Variants in PSMA1 observed in about 807,000 individuals in gnomAD.
PSMA1 encodes the protein proteasome 20S subunit alpha 1, also known as proteasome subunit alpha type-1.
Under a neutral mutation model 38.4 loss-of-function variants are expected in PSMA1, and 3 were observed. That is an observed-to-expected ratio of 0.08 (90% CI 0.04 to 0.20). PSMA1 has a LOEUF of 0.20. Ranked by LOEUF, PSMA1 falls within the 10% of genes least tolerant of loss-of-function variation. PSMA1 has a pLI of 1.00. For missense variants in PSMA1, 227 were observed against 325.3 expected (o/e 0.70, Z 2.32); for synonymous variants, 101 against 107.1 (o/e 0.94, Z 0.35).
At chr11:14,551,699 C>G (rs1052113102) in intron 2 of PSMA1, among the ~76,000 whole-genome samples, 1 of 152,180 alleles carries the variant, frequency 6.6e-6, no homozygotes. Flanking sequence ...ATAACCTGAT[C>G]CCTTTAAATG....
At chr11:14,582,244 T>C (rs922961120) in intron 2 of PSMA1, among the ~76,000 whole-genome samples, 7 of 152,172 alleles carry the variant, frequency 4.6e-5, no homozygotes, top group Non-Finnish European at 1.0e-4. Flanking sequence ...ATTATTGAAC[T>C]CTTGGAGATT....
chr11:14,573,119 T>A (rs944747782), intron 2 of PSMA1, among the ~76,000 whole-genome samples: 2 of 152,312 alleles, frequency 1.3e-5, no homozygotes, highest in East Asian at 3.9e-4. Context: ...CTTCTGAAAC[T>A]ATTCCAATCA....
intron 2 of PSMA1, among the ~76,000 whole-genome samples, chr11:14,599,570 C>G (rs760513983): frequency 2.6e-5 from 4 of 152,180 alleles, no homozygotes; most frequent in Admixed American, 1.3e-4. Context: ...AGTTCTCGTA[C>G]CATGGTTTTC....
At chr11:14,618,604 T>G (rs1017694266) in intron 1 of PSMA1, among the ~76,000 whole-genome samples, 1 of 152,238 alleles carries the variant, frequency 6.6e-6, no homozygotes, top group Non-Finnish European at 1.5e-5. Flanking sequence ...AAATTAGTAT[T>G]TTAAAGATGT....
chr11:14,528,477 A>T (rs1851610968), intron 2 of PSMA1, among the ~76,000 whole-genome samples: 2 of 151,996 alleles, frequency 1.3e-5, no homozygotes, highest in South Asian at 4.1e-4. Context: ...AATCTCTCCC[A>T]CTGTAGGTTC....
chr11:14,555,302 A>C (rs1164195735), intron 2 of PSMA1, among the ~76,000 whole-genome samples: 1 of 152,218 alleles, frequency 6.6e-6, no homozygotes, highest in Non-Finnish European at 1.5e-5. Flanking sequence ...TATCTTTAGC[A>C]ATGATGTGTA....
At chr11:14,533,664 C>A (rs1426639329) in intron 2 of PSMA1, among the ~76,000 whole-genome samples, 1 of 151,398 alleles carries the variant, frequency 6.6e-6, no homozygotes, top group Admixed American at 6.6e-5. Context: ...GCCATCTACC[C>A]AGCTCAGCCT....
intron 2 of PSMA1, among the ~76,000 whole-genome samples, chr11:14,548,184 CTATT>C (rs1851848172): frequency 1.3e-5 from 2 of 151,906 alleles, no homozygotes; most frequent in African/African-American, 4.8e-5. Context: ...TACTTTTTTT[CTATT>C]TATTTATTTT....
At chr11:14,589,511 T>C (rs1422225174) in intron 2 of PSMA1, among the ~76,000 whole-genome samples, 1 of 151,698 alleles carries the variant, frequency 6.6e-6, no homozygotes, top group African/African-American at 2.4e-5. Context: ...TTTAGAAACA[T>C]GTGGCAACAA....
chr11:14,577,224 G>A (rs892964376), intron 2 of PSMA1, among the ~76,000 whole-genome samples: 29 of 152,236 alleles, frequency 1.9e-4, no homozygotes, highest in Non-Finnish European at 3.1e-4. Context: ...AGCCCTATAA[G>A]ATAGGTCACT....
intron 2 of PSMA1, among the ~76,000 whole-genome samples, chr11:14,608,302 G>A (rs1358432095): frequency 1.3e-5 from 2 of 152,008 alleles, no homozygotes; most frequent in East Asian, 1.9e-4. Flanking sequence ...AGTGAGCTAT[G>A]AGCCTGGGTG....
intron 1 of PSMA1, among the ~76,000 whole-genome samples, chr11:14,630,310 A>G (rs1235236398): frequency 6.6e-6 from 1 of 152,130 alleles, no homozygotes; most frequent in East Asian, 1.9e-4. Context: ...TTTCTCATAG[A>G]TAGCTCTTAT....
At chr11:14,626,458 G>C (rs1349808163) in intron 1 of PSMA1, among the ~76,000 whole-genome samples, 3 of 152,088 alleles carry the variant, frequency 2.0e-5, no homozygotes, top group Admixed American at 6.6e-5. Context: ...TCAAGTAAAG[G>C]TATTTACTCT....
At chr11:14,540,695 C>T (rs541910625) in intron 2 of PSMA1, among the ~76,000 whole-genome samples, 1 of 152,218 alleles carries the variant, frequency 6.6e-6, no homozygotes, top group South Asian at 2.1e-4. Flanking sequence ...CAGAAAAGCC[C>T]AGTTAAAGAA....
intron 2 of PSMA1, among the ~76,000 whole-genome samples, chr11:14,570,038 T>C (rs1295389150): frequency 6.6e-6 from 1 of 152,128 alleles, no homozygotes; most frequent in Non-Finnish European, 1.5e-5. Context: ...GACAGCAACA[T>C]TTGCTGTTCT....
chr11:14,535,632 C>T (rs910872395), intron 2 of PSMA1, among the ~76,000 whole-genome samples: 1 of 151,408 alleles, frequency 6.6e-6, no homozygotes, highest in Non-Finnish European at 1.5e-5. Context: ...TTAGTAGAGA[C>T]GGGGGTTTCT....
chr11:14,543,120 T>C (rs114180347), intron 2 of PSMA1, among the ~76,000 whole-genome samples: 1,565 of 152,302 alleles, frequency 0.01, 22 homozygotes, highest in African/African-American at 0.035. Context: ...CGTGAGCCAC[T>C]GTGCCCTGCC....
intron 2 of PSMA1, among the ~76,000 whole-genome samples, chr11:14,576,697 T>G (rs1404047816): frequency 1.3e-5 from 2 of 152,206 alleles, no homozygotes; most frequent in African/African-American, 4.8e-5. Context: ...GTAGTATAGT[T>G]TGAAGTCAGA....
intron 2 of PSMA1, among the ~76,000 whole-genome samples, chr11:14,572,921 T>C (rs951380490): frequency 2.0e-5 from 3 of 152,078 alleles, no homozygotes; most frequent in Non-Finnish European, 4.4e-5. Flanking sequence ...CTAGAAGAAA[T>C]GGATAAAATC....
Sources: gnomAD v4.1 joint callset for allele counts (sites outside exome capture counted in the v4.1 genomes callset) on GRCh38, gnomAD v4.1.1 for gene constraint, MANE v1.5 for transcripts, NCBI Gene and HGNC (gene_info 2026-07-23, HGNC 2026-07-21) for gene names.